The following SYT2 variants were observed in gnomAD, a reference collection of about 807,000 sequenced individuals.
The protein encoded by SYT2 is synaptotagmin 2, also known as synaptotagmin-2.
A neutral mutation model predicts 39.9 loss-of-function variants in SYT2; 15 were observed. That is an observed-to-expected ratio of 0.38 (90% confidence interval 0.25 to 0.58). SYT2 has a LOEUF of 0.58. SYT2 is among the 20% of genes least tolerant of loss of function. The pLI, the probability that SYT2 is intolerant of heterozygous loss-of-function variation, is 0.70. For synonymous variants in SYT2, 181 were observed against 204.5 expected (o/e 0.89, Z 0.98); for missense variants, 389 against 530.3 (o/e 0.73, Z 2.62).
intron 1 of SYT2, among the ~76,000 whole-genome samples, chr1:202,618,721 G>T (rs578102952): frequency 2.0e-5 from 3 of 152,286 alleles, no homozygotes; most frequent in Admixed American, 6.5e-5. Context: ...TGCTCAGCAT[G>T]TAGAGAACCA....
chr1:202,708,483 G>A (rs868454658), intron 1 of SYT2, among the ~76,000 whole-genome samples: 6 of 152,042 alleles, frequency 3.9e-5, no homozygotes, highest in Non-Finnish European at 8.8e-5. Context: ...GTCCTAGAGG[G>A]TGAAGCCAGG....
At chr1:202,705,960 T>C (rs1336382108) in intron 1 of SYT2, among the ~76,000 whole-genome samples, 1 of 152,118 alleles carries the variant, frequency 6.6e-6, no homozygotes, top group Non-Finnish European at 1.5e-5. Context: ...CCCAAAGCGC[T>C]GGGATTACAG....
At chr1:202,677,361 C>T (rs934991066) in intron 1 of SYT2, among the ~76,000 whole-genome samples, 3 of 152,128 alleles carry the variant, frequency 2.0e-5, no homozygotes, top group South Asian at 2.1e-4. Flanking sequence ...GCAGAAGTGA[C>T]GCTACATGAC....
At chr1:202,656,332 C>G (rs1692276872) in intron 1 of SYT2, among the ~76,000 whole-genome samples, 1 of 152,202 alleles carries the variant, frequency 6.6e-6, no homozygotes, top group South Asian at 2.1e-4. Context: ...ATCCTCGGCC[C>G]CTGAGGGCTT....
At chr1:202,610,500 G>A (rs1690856726) in intron 1 of SYT2, among the ~76,000 whole-genome samples, 2 of 152,174 alleles carry the variant, frequency 1.3e-5, no homozygotes, top group Non-Finnish European at 1.5e-5. Context: ...AGGAAATAAA[G>A]GGTATTCAGT....
At position 202,623,990 on chromosome 1, in the gene SYT2, A is replaced by G. The variant is rs1295085689; in HGVS notation, c.-17-18201T>C. ...TCTTCAATTTCAGCTACAAACTGTT[A>G]CAAATTGATGCATTTTCTTTCTGAC... On this transcript the variant is annotated intron_variant, in intron 1 of 8. Transcript: ENST00000367268. This position sits in a 1 kb window ranked among gnomAD's most constrained non-coding sequence, Gnocchi z 4.2. Among the ~76,000 whole-genome samples the G allele has an allele frequency of 6.6e-6, 1 of 152,232 alleles. No homozygotes were observed. The highest frequency in any genetic ancestry group is 1.9e-4 in the East Asian group (1 of 5,202).
intron 1 of SYT2, among the ~76,000 whole-genome samples, chr1:202,674,796 T>TGCTCTGGTC (rs1558457661): frequency 2.0e-5 from 3 of 152,112 alleles, no homozygotes; most frequent in Non-Finnish European, 4.4e-5. Flanking sequence ...CTTCACACAC[T>TGCTCTGGTC]GCTCTGGTCA....
intron 1 of SYT2, among the ~76,000 whole-genome samples, chr1:202,677,743 C>A (rs1653412962): frequency 6.6e-6 from 1 of 152,194 alleles, no homozygotes; most frequent in African/African-American, 2.4e-5. Flanking sequence ...TTCATATTGT[C>A]AGGTAAACCC....
chr1:202,706,500 C>T (rs967598029), intron 1 of SYT2, among the ~76,000 whole-genome samples: 2 of 152,122 alleles, frequency 1.3e-5, no homozygotes, highest in African/African-American at 2.4e-5. Context: ...GAACAATCTA[C>T]GTCATAGTTA....
chr1:202,633,062 G>A (rs1345759782), intron 1 of SYT2, among the ~76,000 whole-genome samples: 1 of 152,238 alleles, frequency 6.6e-6, no homozygotes, highest in East Asian at 1.9e-4. Context: ...TGTGCAGTTG[G>A]AAGATGCAGA....
chr1:202,676,290 C>T (rs553664087), intron 1 of SYT2, among the ~76,000 whole-genome samples: 1 of 152,218 alleles, frequency 6.6e-6, no homozygotes, highest in South Asian at 2.1e-4. Context: ...AGATGAGATG[C>T]CATCCTGGCC....
At chr1:202,625,154 G>GGT (rs148441082) in intron 1 of SYT2, among the ~76,000 whole-genome samples, 2 of 48,122 alleles carry the variant, frequency 4.2e-5, no homozygotes, top group Non-Finnish European at 9.5e-5. Context: ...TAGGGTGTGT[G>GGT]GTGTGTCTGT....
At chr1:202,684,323 A>G (rs1572677947) in intron 1 of SYT2, among the ~76,000 whole-genome samples, 1 of 143,110 alleles carries the variant, frequency 7.0e-6, no homozygotes, top group Non-Finnish European at 1.5e-5. Flanking sequence ...CCATTGATCT[A>G]CTCTCCGTTT....
rs1173421127 is a variant in SYT2, at chr1:202,603,104, T to C, written c.360A>G (p.Ala120=). The part of the protein sequence containing the change: ...DMKGGQDDDD[A]ETGLTEGEGE... Reference sequence around the variant, plus strand: ...CTTCCCCCTCAGTCAGGCCTGTCTCTGCGTCGTCGTCATCCTGTGGGAGCT... The same window carrying C: ...CTTCCCCCTCAGTCAGGCCTGTCTCCGCGTCGTCGTCATCCTGTGGGAGCT... The change falls in exon 4 of 9, where the codon GCA becomes GCG. Residue 120 remains alanine, a synonymous_variant. Transcript: ENST00000367268. 2 of 1,614,102 alleles carry C rather than the reference T, an allele frequency of 1.2e-6. No homozygotes were observed. Among genetic ancestry groups the C allele is most frequent in the South Asian group, 2.2e-5 (2 of 91,078 alleles).
Position 202,670,202 on chromosome 1 carries a change from T to C in SYT2, c.-18+40056A>G, listed in dbSNP as rs139211680. 5.6e-4 allele frequency among the ~76,000 whole-genome samples: 86 copies of C among 152,240 alleles called. 1 individual carries two copies. The highest frequency in any genetic ancestry group is 1.2e-3 in the Non-Finnish European group (79 of 68,010). On this transcript the variant is annotated intron_variant, in intron 1 of 8. Coordinates refer to ENST00000367268, the MANE Select transcript of SYT2 (RefSeq NM_177402.5). Reference sequence around the variant, plus strand: ...TAGAATTTAGCCTCTCTGCAGTTTGTGAGGTCCCATGAGTGACCCGGCCTC... The same window carrying C: ...TAGAATTTAGCCTCTCTGCAGTTTGCGAGGTCCCATGAGTGACCCGGCCTC...
chr1:202,704,055 C>G (rs1654187687), intron 1 of SYT2, among the ~76,000 whole-genome samples: 1 of 152,220 alleles, frequency 6.6e-6, no homozygotes, highest in Non-Finnish European at 1.5e-5. Context: ...ACTCCCCACC[C>G]AGCTGCTGTC....
chr1:202,673,548 C>T (rs890108117), intron 1 of SYT2, among the ~76,000 whole-genome samples: 3 of 152,188 alleles, frequency 2.0e-5, no homozygotes, highest in African/African-American at 2.4e-5. Flanking sequence ...TCACGAAGAT[C>T]GATGCTCACC....
chr1:202,619,655 G>A (rs958381935), intron 1 of SYT2, among the ~76,000 whole-genome samples: 1 of 152,204 alleles, frequency 6.6e-6, no homozygotes, highest in Non-Finnish European at 1.5e-5. Context: ...TCTGATGCAG[G>A]TGATCTGGGC....
At chr1:202,646,880 C>A (rs989033013) in intron 1 of SYT2, among the ~76,000 whole-genome samples, 1 of 152,200 alleles carries the variant, frequency 6.6e-6, no homozygotes, top group African/African-American at 2.4e-5. Flanking sequence ...CTTAGTGGCT[C>A]CTGAAATCCT....
Sources: allele counts gnomAD v4.1 joint callset (sites outside exome capture counted in the v4.1 genomes callset), GRCh38; gene constraint gnomAD v4.1.1; non-coding constraint Gnocchi (gnomAD v3.1); transcripts MANE v1.5; gene names NCBI Gene and HGNC (gene_info 2026-07-23, HGNC 2026-07-21).